The following PLEKHA7 variants were observed in gnomAD, a reference collection of about 807,000 sequenced individuals.
PLEKHA7 encodes pleckstrin homology domain-containing family A member 7.
Under a neutral mutation model 170.0 loss-of-function variants are expected in PLEKHA7, and 104 were observed. That is an observed-to-expected ratio of 0.61 (90% CI 0.52 to 0.72). The LOEUF is 0.72. Among genes scored for constraint, PLEKHA7 ranks in the 30% least tolerant of loss-of-function variants. PLEKHA7 has a pLI of 0.00. For missense variants in PLEKHA7, 1,615 were observed against 1,671.7 expected (o/e 0.97, Z 0.59); for synonymous variants, 648 against 660.8 (o/e 0.98, Z 0.30).
chr11:16,826,728 TCTGC>T (rs889487827), intron 9 of PLEKHA7, 138 bp from the exon 10 acceptor site: 84 of 771,562 alleles, frequency 1.1e-4, no homozygotes, highest in Non-Finnish European at 1.6e-4. Context: ...ATGTCCTCAC[TCTGC>T]CTGCCTAACT....
At chr11:16,792,599 C>A (rs796732220) in intron 19 of PLEKHA7, among the ~76,000 whole-genome samples, 7 of 151,176 alleles carry the variant, frequency 4.6e-5, no homozygotes, top group Non-Finnish European at 1.0e-4. Flanking sequence ...TTCTGGCAGA[C>A]AGGAAGCAGC....
chr11:16,964,007 C>T (rs1025335686), intron 3 of PLEKHA7, among the ~76,000 whole-genome samples: 1 of 152,178 alleles, frequency 6.6e-6, no homozygotes, highest in Non-Finnish European at 1.5e-5. Flanking sequence ...AACCTCTAAT[C>T]TACTTTCTGT....
chr11:16,850,773 C>A (rs1202746443), intron 8 of PLEKHA7, among the ~76,000 whole-genome samples: 1 of 152,218 alleles, frequency 6.6e-6, no homozygotes, highest in East Asian at 1.9e-4. Context: ...ACAAAGCTGA[C>A]AGCCTCTTTA....
At chr11:16,851,017 C>T (rs971119452) in intron 8 of PLEKHA7, among the ~76,000 whole-genome samples, 174 bp downstream of exon 8, 3 of 152,190 alleles carry the variant, frequency 2.0e-5, no homozygotes, top group African/African-American at 7.2e-5. Flanking sequence ...AGTCAAATGA[C>T]AGTACCGGTC....
chr11:16,849,770 C>G (rs7931046), intron 8 of PLEKHA7, among the ~76,000 whole-genome samples: 2,443 of 152,288 alleles, frequency 0.016, 76 homozygotes, highest in African/African-American at 0.057. Context: ...CAAAGTACTT[C>G]CCATGTCATG....
intron 3 of PLEKHA7, among the ~76,000 whole-genome samples, chr11:16,901,710 A>G (rs1432660341): frequency 1.3e-5 from 2 of 152,126 alleles, no homozygotes; most frequent in Non-Finnish European, 2.9e-5. Context: ...CTCTACAAAA[A>G]ATACAAAAAA....
intron 19 of PLEKHA7, among the ~76,000 whole-genome samples, chr11:16,793,165 TGA>T (rs1847975583): frequency 6.6e-6 from 1 of 152,168 alleles, no homozygotes; most frequent in African/African-American, 2.4e-5. Context: ...GAGGACACAG[TGA>T]GAGAATCAGT....
chr11:16,793,002 C>T (rs1301303325), intron 19 of PLEKHA7, among the ~76,000 whole-genome samples: 2 of 152,170 alleles, frequency 1.3e-5, no homozygotes, highest in African/African-American at 2.4e-5. Flanking sequence ...CACATATATT[C>T]CTAGGAGAGA....
intron 13 of PLEKHA7, chr11:16,803,568 T>C: frequency 2.3e-6 from 1 of 434,292 alleles, no homozygotes; most frequent in Non-Finnish European, 4.2e-6. Context: ...GATCATCAAT[T>C]TTAAAAGTAT....
intron 9 of PLEKHA7, among the ~76,000 whole-genome samples, chr11:16,829,022 T>C (rs1190967929): frequency 6.6e-6 from 1 of 152,096 alleles, no homozygotes; most frequent in South Asian, 2.1e-4. Flanking sequence ...CTTTTTTTTT[T>C]CACAGCGTCT....
chr11:17,005,036 A>G (rs1354490463), intron 3 of PLEKHA7, among the ~76,000 whole-genome samples: 1 of 152,156 alleles, frequency 6.6e-6, no homozygotes, highest in East Asian at 1.9e-4. Context: ...CAGGTACCTC[A>G]CTGAATTGCC....
intron 4 of PLEKHA7, among the ~76,000 whole-genome samples, chr11:16,857,976 C>T (rs1001186559): frequency 1.3e-5 from 2 of 152,220 alleles, no homozygotes; most frequent in African/African-American, 4.8e-5. Context: ...ACCTCGGCCT[C>T]CCAAAGAGCT....
At chr11:16,954,332 A>G (rs1861572848) in intron 3 of PLEKHA7, among the ~76,000 whole-genome samples, 2 of 152,054 alleles carry the variant, frequency 1.3e-5, no homozygotes, top group Admixed American at 1.3e-4. Flanking sequence ...CCCTGGCAAC[A>G]CTGTGAGACT....
intron 8 of PLEKHA7, among the ~76,000 whole-genome samples, chr11:16,843,043 G>A (rs1394949512): frequency 6.6e-6 from 1 of 152,188 alleles, no homozygotes; most frequent in Non-Finnish European, 1.5e-5. Context: ...CTCTATAAAT[G>A]TAAGCTACAC....
chr11:16,910,080 AATTGCTGT>A (rs1858141331), intron 3 of PLEKHA7, among the ~76,000 whole-genome samples: 1 of 152,174 alleles, frequency 6.6e-6, no homozygotes, highest in Non-Finnish European at 1.5e-5. Context: ...ACAAGTCTAG[AATTGCTGT>A]GCTGAGTTCT....
chr11:16,947,558 T>A (rs1861109809), intron 3 of PLEKHA7, among the ~76,000 whole-genome samples: 1 of 145,846 alleles, frequency 6.9e-6, no homozygotes, highest in Non-Finnish European at 1.5e-5. Context: ...ACCACTGCAC[T>A]CCAGCCTGAG....
intron 3 of PLEKHA7, among the ~76,000 whole-genome samples, chr11:16,982,297 G>A (rs1310112691): frequency 6.6e-6 from 1 of 152,244 alleles, no homozygotes; most frequent in Non-Finnish European, 1.5e-5. Context: ...ACCTTGCAGG[G>A]CAGAGACAGA....
chr11:16,855,696 G>T, intron 5 of PLEKHA7, 107 bp downstream of exon 5: 2 of 822,920 alleles, frequency 2.4e-6, no homozygotes, highest in Non-Finnish European at 4.0e-6. Flanking sequence ...ACTTCTTATG[G>T]GTCTCTCTCA....
intron 3 of PLEKHA7, among the ~76,000 whole-genome samples, chr11:16,921,621 A>T (rs1279274241): frequency 6.6e-6 from 1 of 152,220 alleles, no homozygotes; most frequent in Non-Finnish European, 1.5e-5. Context: ...TCCAACAATA[A>T]CAATTACAAT....
Sources: gnomAD v4.1 joint callset for allele counts (sites outside exome capture counted in the v4.1 genomes callset) on GRCh38, gnomAD v4.1.1 for gene constraint, MANE v1.5 for transcripts, NCBI Gene and HGNC (gene_info 2026-07-23, HGNC 2026-07-21) for gene names.